The following UBXN1 variants were observed in gnomAD, a reference collection of about 807,000 sequenced individuals.
The protein encoded by UBXN1 is UBX domain protein 1.
UBXN1 carries 21 observed loss-of-function variants against 42.0 expected under a neutral mutation model. The ratio of observed to expected loss-of-function variants is 0.50; its 90% CI spans 0.35 to 0.72. The LOEUF (loss-of-function observed/expected upper bound fraction) is 0.72. UBXN1 is among the 30% of genes least tolerant of loss of function. The pLI is 0.00. For missense variants in UBXN1, 374 were observed against 382.2 expected (o/e 0.98, Z 0.18); for synonymous variants, 172 against 142.6 (o/e 1.21, Z -1.47).
At chr11:62,678,140 G>A in intron 4 of UBXN1, 22 bp from the exon 5 acceptor site, 1 of 1,612,414 alleles carries the variant, frequency 6.2e-7, no homozygotes, top group Non-Finnish European at 8.5e-7. Flanking sequence ...AGGGAAAACA[G>A]TTCAAGAGAA....
At position 62,678,363 on chromosome 11, in the gene UBXN1, T is replaced by G. The variant is rs1945073227; in HGVS notation, c.266A>C (p.Glu89Ala). 1.2e-6 allele frequency: 2 copies of G among 1,614,168 alleles called. No homozygotes were observed. The highest frequency in any genetic ancestry group is 1.7e-5 in the Admixed American group (1 of 60,000). The part of the protein sequence containing the change: ...AGEGKPALSE[E>A]ERQEQTKRML... ...CCTCTTAGTTTGTTCCTGTCTTTCC[T>G]CTTCACTCAAAGCGGGTTTGCCTTC... is the stretch of plus-strand genomic sequence containing the variant. Residue 89 changes from glutamate (E) to alanine (A), a missense_variant, in exon 4 of 9, where the codon GAG (glutamate) becomes GCG (alanine). By Grantham distance (107) the Glu-to-Ala change is moderately radical. Coordinates refer to ENST00000301935, the MANE Select transcript of UBXN1 (RefSeq NM_001286077.2).
chr11:62,678,010 T>G lies in UBXN1; in HGVS notation c.399A>C (p.Ala133=). Residue 133 remains alanine, a synonymous_variant, in exon 5 of 9, where the codon GCA becomes GCC. Coordinates refer to ENST00000301935, the MANE Select transcript of UBXN1 (RefSeq NM_001286077.2). The stretch of plus-strand genomic sequence containing the variant: ...CATCTTCCTGTAGCCGCTGTCGTGC[T>G]GCTGACAACTCTTGCCCTTGTCTCC... ...QRRRQGQELS[A]ARQRLQEDEM... is the part of the protein sequence containing the mutation. The G allele has an allele frequency of 6.2e-7, 1 of 1,614,148 alleles. No individual in the cohort carries two copies. The highest frequency in any genetic ancestry group is 8.5e-7 in the Non-Finnish European group (1 of 1,180,036).
In UBXN1 at chr11:62,677,805, C is replaced by T. The variant is rs1388795597; in HGVS notation, c.510G>A (p.Arg170=). The change falls in exon 6 of 9, where the codon AGG becomes AGA. Residue 170 remains arginine (R), a synonymous_variant. Transcript: ENST00000301935. ...ARQRVREKIE[R]DKAERAKKYG... is the part of the protein sequence containing the mutation. ...CCTTCTTGGCTCTCTCTGCTTTGTC[C>T]CTCTCGATCTTTTCTCTAACTCTTT... 22 of 1,614,188 alleles carry T rather than the reference C, an allele frequency of 1.4e-5. No individual in the cohort carries two copies. Among genetic ancestry groups the T allele is most frequent in the East Asian group, 2.2e-5 (1 of 44,890 alleles).
chr11:62,676,855 C>T lies in UBXN1; in HGVS notation c.802G>A (p.Ala268Thr), dbSNP rs1326276584. ...VQLLSGFPRR[A>T]FSEADMERPL... ...CGCTCCATGTCAGCTTCTGAGAAGG[C>T]CCGTCTGGGGAAGCCACTGAGCAAT... is the stretch of plus-strand genomic sequence containing the variant. The change falls in exon 8 of 9, where the codon GCC (alanine) becomes ACC (threonine). Residue 268 changes from alanine to threonine, a missense_variant. Transcript: ENST00000301935. 1 of 1,614,036 alleles carries T rather than the reference C, an allele frequency of 6.2e-7. No homozygotes were observed. The highest frequency in any genetic ancestry group is 2.2e-5 in the East Asian group (1 of 44,894).
rs1345772696 is a variant in UBXN1 at position 62,678,710 on chromosome 11, G to A, written c.93C>T (p.Gly31=). ...EKALALTGNQ[G]IEAAMDWLME... is the part of the protein sequence containing the mutation. ...CTTACCAGTCCATCGCAGCCTCGAT[G>A]CCCTGGTTCCCTGTGAGGGCCAGAG... The change falls in exon 2 of 9, where the codon GGC becomes GGT. Residue 31 remains glycine, a synonymous_variant. Transcript: ENST00000301935. 3 of 1,592,042 alleles carry A rather than the reference G, an allele frequency of 1.9e-6. No homozygotes were observed. The highest frequency in any genetic ancestry group is 2.6e-6 in the Non-Finnish European group (3 of 1,167,324).
chr11:62,676,783 T>C (rs761974256), intron 8 of UBXN1, 30 bp downstream of exon 8: 1 of 1,614,190 alleles, frequency 6.2e-7, no homozygotes, highest in Non-Finnish European at 8.5e-7. Context: ...CCCCAGTTTC[T>C]AGTCCTGGTT....
At chr11:62,677,104 T>C in intron 7 of UBXN1, 99 bp from the exon 8 acceptor site, 2 of 1,355,034 alleles carry the variant, frequency 1.5e-6, no homozygotes. Context: ...TCTTCTTAGA[T>C]TGAACCAGCA....
At position 62,678,353 on chromosome 11, in the gene UBXN1, C is replaced by T; in HGVS notation, c.276G>A (p.Gln92=). Residue 92 remains glutamine (Q), a synonymous_variant, in exon 4 of 9, where the codon CAG becomes CAA. Coordinates refer to ENST00000301935, the MANE Select transcript of UBXN1 (RefSeq NM_001286077.2). The part of the protein sequence containing the change: ...GKPALSEEER[Q]EQTKRMLELV... ...TGTTACTGTACCTCTTAGTTTGTTC[C>T]TGTCTTTCCTCTTCACTCAAAGCGG... is the stretch of plus-strand genomic sequence containing the variant. 2 of 1,614,174 alleles carry T rather than the reference C, an allele frequency of 1.2e-6. No homozygotes were observed. Among genetic ancestry groups the T allele is most frequent in the Non-Finnish European group, 1.7e-6 (2 of 1,180,028 alleles).
At chr11:62,676,715 T>A in intron 8 of UBXN1, 76 bp from the exon 9 acceptor site, 3 of 1,614,068 alleles carry the variant, frequency 1.9e-6, no homozygotes, top group Non-Finnish European at 2.5e-6. Context: ...CCTTGCACCA[T>A]GTTCACAAAG....
chr11:62,677,095 C>A (rs1945032051), intron 7 of UBXN1, 90 bp from the exon 8 acceptor site: 3 of 1,420,768 alleles, frequency 2.1e-6, no homozygotes, highest in Non-Finnish European at 2.8e-6. Context: ...GGGCCCCCTT[C>A]TTCTTAGATT....
rs1945080822 is a variant in UBXN1 at position 62,678,558 on chromosome 11, C to T, written c.157G>A (p.Glu53Lys). 6.2e-7 allele frequency: 1 copy of T among 1,611,824 alleles called. No individual in the cohort carries two copies. Among genetic ancestry groups the T allele is most frequent in the South Asian group, 1.1e-5 (1 of 90,928 alleles). The change falls in exon 3 of 9, where the codon GAG (glutamate) becomes AAG (lysine). Residue 53 changes from glutamate (E) to lysine (K), a missense_variant. Transcript: ENST00000301935. ...CCCAGGATATGTCCAAGGGGAGTCT[C>T]TAAAGGCTCGTCCACATCGGGGTCG... is the stretch of plus-strand genomic sequence containing the variant. The part of the protein sequence containing the change: ...EDDPDVDEPL[E>K]TPLGHILGRE...
In UBXN1 at chr11:62,679,004, C is replaced by T; in HGVS notation, c.-81G>A. The stretch of plus-strand genomic sequence containing the variant: ...GAAGGGTCAGCGCGAGGCAACCCGC[C>T]CTCGACACCCGCCGACGGGCGCTCG... On this transcript the variant is annotated 5_prime_UTR_variant, in exon 1 of 9. Coordinates refer to ENST00000301935, the MANE Select transcript of UBXN1 (RefSeq NM_001286077.2). 6.9e-7 allele frequency: 1 copy of T among 1,459,658 alleles called. No homozygotes were observed. Among genetic ancestry groups the T allele is most frequent in the Non-Finnish European group, 9.2e-7 (1 of 1,089,710 alleles). 90.4% of individuals were successfully genotyped at this position (1,459,658 alleles called of 1,614,324 possible). A position where few individuals can be genotyped will look rare whatever the true frequency, so the allele number is the denominator to read the frequency against.
At chr11:62,677,365 C>T (rs149072490) in intron 7 of UBXN1, 153 bp downstream of exon 7, 10 of 801,092 alleles carry the variant, frequency 1.2e-5, no homozygotes, top group South Asian at 3.2e-5. Context: ...AAATTTGATA[C>T]CTTTCCCAAG....
At chr11:62,678,429 T>G (rs2134673429) in intron 3 of UBXN1, 21 bp from the exon 4 acceptor site, 1 of 1,614,106 alleles carries the variant, frequency 6.2e-7, no homozygotes, top group Non-Finnish European at 8.5e-7. Flanking sequence ...ACAATCGGTA[T>G]TATTATCCCT....
At chr11:62,677,139 G>T in intron 7 of UBXN1, 134 bp from the exon 8 acceptor site, 1 of 1,030,896 alleles carries the variant, frequency 9.7e-7, no homozygotes, top group South Asian at 1.7e-5. Context: ...AGCACCAAAT[G>T]AACAGCCACT....
At position 62,677,785 on chromosome 11, in the gene UBXN1, T is replaced by C. The variant is rs1945050394; in HGVS notation, c.530A>G (p.Lys177Arg). ...GGCGTCTTCTCAGTCACCTACCTTC[T>C]TGGCTCTCTCTGCTTTGTCCCTCTC... ...KIERDKAERA[K>R]KYGGSVGSQP... is the part of the protein sequence containing the mutation. The change falls in exon 6 of 9, where the codon AAG (lysine) becomes AGG (arginine). Residue 177 changes from lysine (K) to arginine (R), a missense_variant. Lys to Arg is a conservative substitution (Grantham distance 26). Coordinates refer to ENST00000301935, the MANE Select transcript of UBXN1 (RefSeq NM_001286077.2). The C allele has an allele frequency of 6.2e-7, 1 of 1,614,146 alleles. No homozygotes were observed. Among genetic ancestry groups the C allele is most frequent in the South Asian group, 1.1e-5 (1 of 91,096 alleles).
At position 62,678,415 on chromosome 11, in the gene UBXN1, A is replaced by T; in HGVS notation, c.221-7T>A. 1.9e-6 allele frequency: 3 copies of T among 1,613,426 alleles called. No individual in the cohort carries two copies. The highest frequency in any genetic ancestry group is 2.5e-6 in the Non-Finnish European group (3 of 1,179,460). ...CCGGCAGCAGAACCAGATCCTACAA[A>T]CAAACAATCGGTATTATTATCCCTT... On this transcript the variant is annotated splice_region_variant and splice_polypyrimidine_tract_variant and intron_variant, in intron 3 of 8. Coordinates refer to ENST00000301935, the MANE Select transcript of UBXN1 (RefSeq NM_001286077.2).
rs758218468 is a variant in UBXN1 at position 62,678,127 on chromosome 11, C to T, written c.291-9G>A. The T allele has an allele frequency of 3.9e-5, 63 of 1,613,120 alleles. No individual in the cohort carries two copies. The highest frequency in any genetic ancestry group is 9.4e-5 in the African/African-American group (7 of 74,852). On this transcript the variant is annotated splice_polypyrimidine_tract_variant and intron_variant, in intron 4 of 8. Coordinates refer to ENST00000301935, the MANE Select transcript of UBXN1 (RefSeq NM_001286077.2). ...CCACCAGCTCCAACATCCTGTGTTG[C>T]CGAGGGAAAACAGTTCAAGAGAAAT... is the stretch of plus-strand genomic sequence containing the variant.
rs181580021 is a variant in UBXN1, at chr11:62,678,971, G to A, written c.-48C>T. On this transcript the variant is annotated 5_prime_UTR_variant, in exon 1 of 9. Transcript: ENST00000301935. ...CGGGGACCTGGTGTGTGACGAGAAGGAGGGCGGGAAGGGTCAGCGCGAGGC... is the reference window on the plus strand; with the variant it reads ...CGGGGACCTGGTGTGTGACGAGAAGAAGGGCGGGAAGGGTCAGCGCGAGGC... The A allele has an allele frequency of 1.2e-5, 19 of 1,543,774 alleles. No individual in the cohort carries two copies. The African/African-American group carries it at 1.9e-4, about 16-fold the overall frequency.
Sources: allele counts gnomAD v4.1 joint callset, GRCh38; gene constraint gnomAD v4.1.1; transcripts MANE v1.5; gene names NCBI Gene and HGNC (gene_info 2026-07-23, HGNC 2026-07-21).